SUCLA2: variants seen among roughly 807,000 people sequenced by gnomAD.
The protein encoded by SUCLA2 is succinate--CoA ligase [ADP-forming] subunit beta, mitochondrial.
In SUCLA2, 30 loss-of-function variants were observed where a neutral mutation model predicts 54.8. That is an observed-to-expected ratio of 0.55 (90% CI 0.41 to 0.74). SUCLA2 has a LOEUF of 0.74. Among genes scored for constraint, SUCLA2 ranks in the 30% least tolerant of loss-of-function variants. The probability of loss-of-function intolerance (pLI) is 0.00; values close to 1 mark genes in which losing one functional copy is unlikely to be tolerated. For missense variants in SUCLA2, 476 were observed against 562.9 expected (o/e 0.85, Z 1.56); for synonymous variants, 172 against 188.9 (o/e 0.91, Z 0.74).
At chr13:48,000,799 C>T (rs961932282) in intron 1 of SUCLA2, 39 of 1,012,290 alleles carry the variant, frequency 3.9e-5, no homozygotes, top group Admixed American at 2.4e-4. Context: ...TTTTGAAGGG[C>T]ATTCCCCCCT....
At chr13:47,989,724 T>C (rs920025358) in intron 2 of SUCLA2, among the ~76,000 whole-genome samples, 5 of 152,192 alleles carry the variant, frequency 3.3e-5, no homozygotes, top group African/African-American at 1.2e-4. Context: ...TATATCGCTA[T>C]AGCAGGAATA....
intron 6 of SUCLA2, among the ~76,000 whole-genome samples, chr13:47,961,087 T>C (rs1949866996): frequency 6.6e-6 from 1 of 152,210 alleles, no homozygotes; most frequent in Non-Finnish European, 1.5e-5. Context: ...TTGGGGCCAG[T>C]TATTAAAAGT....
intron 2 of SUCLA2, among the ~76,000 whole-genome samples, chr13:47,989,800 A>G (rs1386714810): frequency 6.6e-6 from 1 of 152,188 alleles, no homozygotes; most frequent in African/African-American, 2.4e-5. Flanking sequence ...CCACTAAGAG[A>G]AAGTTCTATT....
At chr13:47,986,616 C>T (rs188484376) in intron 4 of SUCLA2, among the ~76,000 whole-genome samples, 9 of 152,202 alleles carry the variant, frequency 5.9e-5, no homozygotes, top group Non-Finnish European at 1.2e-4. Flanking sequence ...GAATCTTTGC[C>T]CGCGCCTATG....
intron 5 of SUCLA2, among the ~76,000 whole-genome samples, chr13:47,970,140 C>A (rs1949950982): frequency 1.3e-5 from 2 of 149,140 alleles, no homozygotes; most frequent in Admixed American, 6.7e-5. Flanking sequence ...GGAATGTAAT[C>A]TTTTGTTTTG....
chr13:47,955,722 C>T (rs537532635), intron 6 of SUCLA2, among the ~76,000 whole-genome samples: 1 of 152,226 alleles, frequency 6.6e-6, no homozygotes, highest in South Asian at 2.1e-4. Flanking sequence ...TATACCCACT[C>T]TAATCAGGCT....
intron 5 of SUCLA2, among the ~76,000 whole-genome samples, chr13:47,972,755 T>C (rs1229007759): frequency 6.8e-6 from 1 of 147,338 alleles, no homozygotes; most frequent in Non-Finnish European, 1.5e-5. Flanking sequence ...ACTCTTTTTT[T>C]TTTTTTTTTT....
chr13:47,948,458 A>C (rs951197284), intron 10 of SUCLA2, among the ~76,000 whole-genome samples: 10 of 152,044 alleles, frequency 6.6e-5, no homozygotes, highest in Non-Finnish European at 1.5e-4. Context: ...GGACTCAAGC[A>C]ATCCTCCTGC....
chr13:47,993,259 A>C (rs778189464), intron 2 of SUCLA2, among the ~76,000 whole-genome samples: 5 of 152,172 alleles, frequency 3.3e-5, no homozygotes, highest in Non-Finnish European at 5.9e-5. Flanking sequence ...CATTCTGCCA[A>C]ACCCTTACTA....
intron 1 of SUCLA2, 96 bp from the exon 2 acceptor site, chr13:47,997,119 T>C: frequency 2.4e-6 from 3 of 1,272,978 alleles, no homozygotes; most frequent in Non-Finnish European, 3.4e-6. Flanking sequence ...AACTGTTACA[T>C]TACATTAGCA....
intron 4 of SUCLA2, among the ~76,000 whole-genome samples, chr13:47,979,361 C>T (rs551870890): frequency 6.6e-6 from 1 of 152,200 alleles, no homozygotes; most frequent in South Asian, 2.1e-4. Context: ...AGCTGGAAAC[C>T]ATCATTCTCA....
At chr13:47,986,246 G>A (rs1950103472) in intron 4 of SUCLA2, among the ~76,000 whole-genome samples, 1 of 151,960 alleles carries the variant, frequency 6.6e-6, no homozygotes, top group Non-Finnish European at 1.5e-5. Context: ...GGCCATGCTG[G>A]TCTCAAACTC....
chr13:47,994,540 C>A (rs1950175750), intron 2 of SUCLA2, among the ~76,000 whole-genome samples: 1 of 148,308 alleles, frequency 6.7e-6, no homozygotes, highest in Non-Finnish European at 1.5e-5. Context: ...TGCACTCCAG[C>A]CTGGGCGACA....
Position 47,973,258 on chromosome 13 carries a change from A to G in SUCLA2, c.663+6T>C, listed in dbSNP as rs1365471854. The G allele has an allele frequency of 6.2e-7, 1 of 1,611,104 alleles. No homozygotes were observed. The highest frequency in any genetic ancestry group is 1.1e-5 in the South Asian group (1 of 91,008). ...AAGCTAGAAATTTTTCAGGAATACAACATACCTGGAGAGCTTGTTCCTTTT... is the reference window on the plus strand; with the variant it reads ...AAGCTAGAAATTTTTCAGGAATACAGCATACCTGGAGAGCTTGTTCCTTTT... On this transcript the variant is annotated splice_donor_region_variant and intron_variant, in intron 5 of 10. Transcript: ENST00000646932.
intron 1 of SUCLA2, among the ~76,000 whole-genome samples, chr13:47,998,652 AT>A (rs774098856): frequency 1.1e-3 from 164 of 152,352 alleles, no homozygotes; most frequent in Non-Finnish European, 2.0e-3. Context: ...AAACAAGAAT[AT>A]ATACTTACAT....
chr13:47,953,785 C>G (rs1207643274), intron 8 of SUCLA2, among the ~76,000 whole-genome samples: 1 of 152,118 alleles, frequency 6.6e-6, no homozygotes, highest in Non-Finnish European at 1.5e-5. Context: ...AAAATCTACA[C>G]TGGCCACACA....
At chr13:47,994,905 C>T in intron 2 of SUCLA2, 1 of 974,746 alleles carries the variant, frequency 1.0e-6, no homozygotes, top group Non-Finnish European at 1.2e-6. Flanking sequence ...ACCTAAGAAT[C>T]ATTAAGTTTT....
intron 5 of SUCLA2, among the ~76,000 whole-genome samples, chr13:47,969,393 C>T (rs1474822455): frequency 6.6e-6 from 1 of 152,176 alleles, no homozygotes; most frequent in Non-Finnish European, 1.5e-5. Context: ...TATTACATTC[C>T]AGGCACTGTG....
chr13:47,976,641 AG>A (rs566586517), intron 4 of SUCLA2, among the ~76,000 whole-genome samples: 78 of 152,334 alleles, frequency 5.1e-4, no homozygotes, highest in Admixed American at 3.2e-3. Context: ...GCTACAACTA[AG>A]AAAACACACC....
Sources: gnomAD v4.1 joint callset for allele counts (sites outside exome capture counted in the v4.1 genomes callset) on GRCh38, gnomAD v4.1.1 for gene constraint, MANE v1.5 for transcripts, NCBI Gene and HGNC (gene_info 2026-07-23, HGNC 2026-07-21) for gene names.